IL1RAPL1: variants seen among roughly 807,000 people sequenced by gnomAD.
IL1RAPL1 encodes the protein interleukin-1 receptor accessory protein-like 1.
In IL1RAPL1, 3 loss-of-function variants were observed where a neutral mutation model predicts 48.4. The ratio of observed to expected loss-of-function variants is 0.06; its 90% CI spans 0.03 to 0.16. The LOEUF is 0.16. IL1RAPL1 is among the 10% of genes least tolerant of loss of function. The pLI is 1.00. For missense variants in IL1RAPL1, 349 were observed against 530.6 expected (o/e 0.66, Z 3.36); for synonymous variants, 185 against 187.7 (o/e 0.99, Z 0.12).
intron 5 of IL1RAPL1, among the ~76,000 whole-genome samples, chrX:29,497,526 A>G (rs1451023116): frequency 9.0e-6 from 1 of 111,292 alleles, no homozygotes; most frequent in Non-Finnish European, 1.9e-5. Context: ...ATATTTCATT[A>G]TATTATTTTT....
intron 2 of IL1RAPL1, among the ~76,000 whole-genome samples, chrX:28,967,158 C>G (rs1222586468): frequency 1.8e-5 from 2 of 111,800 alleles, no homozygotes; most frequent in Non-Finnish European, 3.8e-5. Context: ...TTCTGCCACT[C>G]AAAATATGTG....
intron 2 of IL1RAPL1, among the ~76,000 whole-genome samples, chrX:28,873,988 A>C (rs1316382841): frequency 9.1e-6 from 1 of 109,866 alleles, no homozygotes; most frequent in Non-Finnish European, 1.9e-5. Context: ...AAAAAAAAAA[A>C]ATTGTTCTTC....
intron 2 of IL1RAPL1, among the ~76,000 whole-genome samples, chrX:29,167,227 A>C (rs187031611): frequency 9.5e-4 from 105 of 110,857 alleles, no homozygotes; most frequent in African/African-American, 3.3e-3. Context: ...TATTGGTAGA[A>C]TATTACAGGT....
At position 28,783,499 on chromosome X, in the gene IL1RAPL1, T is replaced by A. The variant is rs112289685; in HGVS notation, c.-24-5821T>A. Among the ~76,000 whole-genome samples, 360 of 82,993 alleles carry A rather than the reference T, an allele frequency of 4.3e-3. 3 individuals carry two copies. The highest frequency in any genetic ancestry group is 0.017 in the African/African-American group (346 of 19,939). 72.1% of individuals were successfully genotyped at this position (82,993 alleles called of 115,157 possible). ...GGAATAAATGGTCTTCTGTTTAGAA[T>A]TGTGTTAAAAAGAAAACAAGCAAAT... On this transcript the variant is annotated intron_variant, in intron 1 of 10. Transcript: ENST00000378993.
At chrX:29,050,379 C>G (rs1320190517) in intron 2 of IL1RAPL1, among the ~76,000 whole-genome samples, 1 of 111,822 alleles carries the variant, frequency 8.9e-6, no homozygotes. Context: ...AGATGAGGCA[C>G]TGAGGGAGAG....
At chrX:29,306,551 A>C (rs754162323) in intron 3 of IL1RAPL1, among the ~76,000 whole-genome samples, 157 of 100,256 alleles carry the variant, frequency 1.6e-3, no homozygotes, top group African/African-American at 5.6e-3. Flanking sequence ...AAAAAAAAAA[A>C]AACGAAAAAA....
chrX:29,757,266 T>G (rs1344494477), intron 6 of IL1RAPL1, among the ~76,000 whole-genome samples: 1 of 112,271 alleles, frequency 8.9e-6, no homozygotes, highest in Non-Finnish European at 1.9e-5. Flanking sequence ...TATAATCTCT[T>G]GAAGTTGAAG....
At chrX:29,043,487 G>A (rs5985946) in intron 2 of IL1RAPL1, among the ~76,000 whole-genome samples, 19,781 of 109,867 alleles carry the variant, frequency 0.18, 1,654 homozygotes, top group Admixed American at 0.26. Flanking sequence ...TCTTTTTAAC[G>A]TTTTTCACTG....
intron 2 of IL1RAPL1, among the ~76,000 whole-genome samples, chrX:29,185,673 T>G (rs367651028): frequency 1.8e-5 from 2 of 112,008 alleles, no homozygotes; most frequent in African/African-American, 6.5e-5. Context: ...ATAATTAAAC[T>G]ACAAACCTGG....
chrX:28,933,574 A>G lies in IL1RAPL1; in HGVS notation c.82+144149A>G, dbSNP rs755836907. Among the ~76,000 whole-genome samples the G allele has an allele frequency of 3.2e-3, 353 of 111,556 alleles. 3 individuals carry two copies. Among genetic ancestry groups the G allele is most frequent in the African/African-American group, 0.011 (329 of 30,705 alleles). ...AATGGATTAGACAGGGTAAAATGTTATCGGAAATGGGCCCTGATCCAGAAC... is the reference window on the plus strand; with the variant it reads ...AATGGATTAGACAGGGTAAAATGTTGTCGGAAATGGGCCCTGATCCAGAAC... On this transcript the variant is annotated intron_variant, in intron 2 of 10. Transcript: ENST00000378993.
At chrX:29,821,819 A>G (rs1443078533) in intron 6 of IL1RAPL1, among the ~76,000 whole-genome samples, 2 of 112,574 alleles carry the variant, frequency 1.8e-5, no homozygotes, top group African/African-American at 6.4e-5. Flanking sequence ...TAATCATTTT[A>G]TTCTTAGTGC....
intron 5 of IL1RAPL1, among the ~76,000 whole-genome samples, chrX:29,518,642 G>A (rs1280419523): frequency 1.8e-5 from 2 of 111,534 alleles, no homozygotes; most frequent in Non-Finnish European, 3.8e-5. Context: ...GGAGGTCAGT[G>A]TGGATGGAAT....
intron 2 of IL1RAPL1, among the ~76,000 whole-genome samples, chrX:28,905,343 G>A (rs1923189810): frequency 9.0e-6 from 1 of 111,706 alleles, no homozygotes; most frequent in East Asian, 2.8e-4. Context: ...TCATCTCAGT[G>A]AATTTGTGAA....
chrX:29,281,741 A>C (rs2147599119), intron 2 of IL1RAPL1, among the ~76,000 whole-genome samples: 1 of 112,548 alleles, frequency 8.9e-6, no homozygotes, highest in African/African-American at 3.2e-5. Context: ...TTTTACAAAT[A>C]ATTATTAAAT....
chrX:29,828,653 T>G (rs1930797167), intron 6 of IL1RAPL1, among the ~76,000 whole-genome samples: 1 of 112,083 alleles, frequency 8.9e-6, no homozygotes, highest in Non-Finnish European at 1.9e-5. Context: ...GATGCCTATT[T>G]TATCTGTAAG....
At chrX:29,254,494 G>A (rs1033208121) in intron 2 of IL1RAPL1, among the ~76,000 whole-genome samples, 3 of 109,740 alleles carry the variant, frequency 2.7e-5, no homozygotes, top group Non-Finnish European at 5.7e-5. Flanking sequence ...GGGAGGAGAG[G>A]AGAAGGGAGA....
chrX:28,696,528 G>A (rs1330292061), intron 1 of IL1RAPL1, among the ~76,000 whole-genome samples: 1 of 111,017 alleles, frequency 9.0e-6, no homozygotes, highest in Non-Finnish European at 1.9e-5. Flanking sequence ...AAGAGGAGGA[G>A]CATAATGCTC....
At chrX:29,058,019 C>T (rs756578055) in intron 2 of IL1RAPL1, among the ~76,000 whole-genome samples, 55 of 111,600 alleles carry the variant, frequency 4.9e-4, no homozygotes, top group Non-Finnish European at 9.4e-4. Context: ...TTTATTATTA[C>T]CTTCCTTTAT....
chrX:29,196,823 A>C (rs1415183301), intron 2 of IL1RAPL1, among the ~76,000 whole-genome samples: 2 of 110,363 alleles, frequency 1.8e-5, no homozygotes, highest in African/African-American at 6.6e-5. Flanking sequence ...GTAATTCTCC[A>C]TGATGCTGCA....
Sources: gnomAD v4.1 joint callset for allele counts (sites outside exome capture counted in the v4.1 genomes callset) on GRCh38, gnomAD v4.1.1 for gene constraint, MANE v1.5 for transcripts, NCBI Gene and HGNC (gene_info 2026-07-23, HGNC 2026-07-21) for gene names.